C12orf60: variants seen among roughly 807,000 people sequenced by gnomAD.
C12orf60 encodes the protein uncharacterized protein C12orf60.
For synonymous variants in C12orf60, 102 were observed against 94.6 expected, an observed-to-expected ratio of 1.08 and a Z score of -0.45; for missense variants, 284 against 283.2, an observed-to-expected ratio of 1.00 and a Z score of -0.02.
At chr12:14,814,556 G>A (rs1445991976) in intron 1 of C12orf60, among the ~76,000 whole-genome samples, 1 of 152,004 alleles carries the variant, frequency 6.6e-6, no homozygotes, top group Non-Finnish European at 1.5e-5. Flanking sequence ...AGCTTCTGTT[G>A]CATTTGCACC....
chr12:14,819,498 G>T (rs1950273548), intron 1 of C12orf60, among the ~76,000 whole-genome samples: 1 of 151,958 alleles, frequency 6.6e-6, no homozygotes, highest in East Asian at 1.9e-4. Flanking sequence ...TTCTCAATTT[G>T]AATATTTTCT....
intron 1 of C12orf60, among the ~76,000 whole-genome samples, chr12:14,814,756 T>G (rs1195697349): frequency 6.6e-6 from 1 of 152,178 alleles, no homozygotes; most frequent in Non-Finnish European, 1.5e-5. Context: ...AAAGCTCAGA[T>G]CAGTCTTCCC....
intron 1 of C12orf60, chr12:14,806,159 C>A: frequency 6.2e-7 from 1 of 1,614,090 alleles, no homozygotes; most frequent in South Asian, 1.1e-5. Flanking sequence ...CACGGACAAT[C>A]ATATCTATGC....
intron 1 of C12orf60, chr12:14,806,197 T>G: frequency 6.2e-7 from 1 of 1,614,120 alleles, no homozygotes. Context: ...ACTCCAATAC[T>G]ACCAAGGAGA....
chr12:14,813,806 T>G (rs1353405886), intron 1 of C12orf60, among the ~76,000 whole-genome samples: 1 of 152,242 alleles, frequency 6.6e-6, no homozygotes, highest in African/African-American at 2.4e-5. Context: ...CCATGTAAAC[T>G]TCACACATTC....
At chr12:14,822,505 G>A (rs764604656) in intron 1 of C12orf60, among the ~76,000 whole-genome samples, 4 of 152,164 alleles carry the variant, frequency 2.6e-5, no homozygotes, top group African/African-American at 4.8e-5. Flanking sequence ...GTTGTAATCA[G>A]TAGGAAAGAT....
At chr12:14,819,761 A>G (rs1266437112) in intron 1 of C12orf60, among the ~76,000 whole-genome samples, 1 of 152,102 alleles carries the variant, frequency 6.6e-6, no homozygotes, top group South Asian at 2.1e-4. Flanking sequence ...ATATGATCAT[A>G]TGGTTTTTCT....
chr12:14,815,876 A>G lies in C12orf60; in HGVS notation c.-24-7036A>G, dbSNP rs138984851. ...CTTAACATTTATTGCCTACTCATCCACTCCTTTCTCTCCTACCACATAGCA... is the reference window on the plus strand; with the variant it reads ...CTTAACATTTATTGCCTACTCATCCGCTCCTTTCTCTCCTACCACATAGCA... On this transcript the variant is annotated intron_variant, in intron 1 of 1. Coordinates refer to ENST00000330828, the MANE Select transcript of C12orf60 (RefSeq NM_175874.4). 3.0e-3 allele frequency among the ~76,000 whole-genome samples: 452 copies of G among 152,144 alleles called. 2 individuals are homozygous for G. Among genetic ancestry groups the G allele is most frequent in the African/African-American group, 0.011 (436 of 41,480 alleles).
chr12:14,806,416 CT>C, intron 1 of C12orf60: 1 of 1,614,198 alleles, frequency 6.2e-7, no homozygotes, highest in Non-Finnish European at 8.5e-7. Context: ...TCTAGCTTAT[CT>C]TTTAGTGCTT....
intron 1 of C12orf60, among the ~76,000 whole-genome samples, chr12:14,820,033 C>T (rs1950281506): frequency 6.6e-6 from 1 of 152,020 alleles, no homozygotes; most frequent in South Asian, 2.1e-4. Flanking sequence ...ACTACAGGCG[C>T]AATTTCTTTA....
chr12:14,811,514 C>T (rs1277193674), intron 1 of C12orf60, among the ~76,000 whole-genome samples: 1 of 152,164 alleles, frequency 6.6e-6, no homozygotes, highest in African/African-American at 2.4e-5. Flanking sequence ...CATTGGTCAG[C>T]ACACCTTAAG....
intron 1 of C12orf60, among the ~76,000 whole-genome samples, chr12:14,812,313 G>A (rs766533824): frequency 5.9e-5 from 9 of 152,110 alleles, no homozygotes; most frequent in African/African-American, 1.7e-4. Flanking sequence ...GCGCGGTGGC[G>A]GGCGCCTGTA....
chr12:14,823,294 C>T lies in C12orf60; in HGVS notation c.359C>T (p.Thr120Met), dbSNP rs911982779. ...SAKEVFKSAHTPVIISVLNSS... is the reference protein window; with the variant it reads ...SAKEVFKSAHMPVIISVLNSS... Reference sequence around the variant, plus strand: ...AAAGAAGTATTCAAAAGTGCCCATACGCCAGTCATCATCTCTGTGCTAAAC... The same window carrying T: ...AAAGAAGTATTCAAAAGTGCCCATATGCCAGTCATCATCTCTGTGCTAAAC... The change falls in exon 2 of 2, where the codon ACG (threonine) becomes ATG (methionine). Residue 120 changes from threonine (T) to methionine (M), a missense_variant. By Grantham distance (81) the Thr-to-Met change is moderately conservative. Transcript: ENST00000330828. The T allele has an allele frequency of 2.7e-5, 44 of 1,613,932 alleles. No homozygotes were observed. The highest frequency in any genetic ancestry group is 5.0e-5 in the Admixed American group (3 of 59,998).
In C12orf60 at chr12:14,806,170, C is replaced by T. The variant is rs1050849792; in HGVS notation, c.-25+2419C>T. The T allele has an allele frequency of 5.0e-6, 8 of 1,613,960 alleles. No individual in the cohort carries two copies. In the African/African-American group the frequency reaches 1.1e-4, roughly 22 times the overall value. ...ATGGCACGGACAATCATATCTATGC[C>T]AAGGCCAAGAACAGCAACTCCAATA... On this transcript the variant is annotated intron_variant, in intron 1 of 1. Coordinates refer to ENST00000330828, the MANE Select transcript of C12orf60 (RefSeq NM_175874.4).
intron 1 of C12orf60, chr12:14,806,526 G>A: frequency 6.2e-7 from 1 of 1,614,068 alleles, no homozygotes; most frequent in Non-Finnish European, 8.5e-7. Flanking sequence ...CTCAATGGAG[G>A]CCAGCCTGCA....
intron 1 of C12orf60, among the ~76,000 whole-genome samples, chr12:14,807,292 G>A (rs541751493): frequency 5.3e-4 from 81 of 152,282 alleles, no homozygotes; most frequent in African/African-American, 1.7e-3. Flanking sequence ...ATTAATAAGC[G>A]TGATTATTTC....
Position 14,806,339 on chromosome 12 carries a change from T to A in C12orf60, c.-25+2588T>A, listed in dbSNP as rs1242726116. On this transcript the variant is annotated intron_variant, in intron 1 of 1. Coordinates refer to ENST00000330828, the MANE Select transcript of C12orf60 (RefSeq NM_175874.4). ...CTCCCAGGATGACCGAAATAACCTT[T>A]TGCACTATTGCAATTTTGTCTGTTT... 3 of 1,614,216 alleles carry A rather than the reference T, an allele frequency of 1.9e-6. No individual in the cohort carries two copies. The Admixed American group carries it at 5.0e-5, about 27-fold the overall frequency.
intron 1 of C12orf60, among the ~76,000 whole-genome samples, chr12:14,818,289 A>C (rs1592240665): frequency 6.6e-6 from 1 of 152,112 alleles, no homozygotes; most frequent in Non-Finnish European, 1.5e-5. Flanking sequence ...TCTGATGATA[A>C]TTTCTGTTGC....
At chr12:14,818,981 C>T (rs546201856) in intron 1 of C12orf60, among the ~76,000 whole-genome samples, 1 of 152,040 alleles carries the variant, frequency 6.6e-6, no homozygotes, top group Non-Finnish European at 1.5e-5. Flanking sequence ...TTTACATTTA[C>T]ATATATATTC....
Sources: allele counts gnomAD v4.1 joint callset (sites outside exome capture counted in the v4.1 genomes callset), GRCh38; gene constraint gnomAD v4.1.1; transcripts MANE v1.5; gene names NCBI Gene and HGNC (gene_info 2026-07-23, HGNC 2026-07-21).